Variants in YJU2 observed in about 807,000 individuals in gnomAD.
YJU2 encodes the protein splicing factor YJU2.
A neutral mutation model predicts 39.6 loss-of-function variants in YJU2; 28 were observed. That is an observed-to-expected ratio of 0.71 (90% CI 0.52 to 0.97). The LOEUF (loss-of-function observed/expected upper bound fraction) is 0.97. Among genes scored for constraint, YJU2 ranks in the 50% least tolerant of loss-of-function variants. The pLI, the probability that YJU2 is intolerant of heterozygous loss-of-function variation, is 0.00. For synonymous variants in YJU2, 184 were observed against 182.4 expected (o/e 1.01, Z -0.07); for missense variants, 328 against 430.4 (o/e 0.76, Z 2.11).
At chr19:4,256,280 G>T (rs972454944) in intron 4 of YJU2, among the ~76,000 whole-genome samples, 1 of 149,958 alleles carries the variant, frequency 6.7e-6, no homozygotes, top group Non-Finnish European at 1.5e-5. Flanking sequence ...TGTGTTCCCT[G>T]CTGTCCCCTC....
Position 4,268,932 on chromosome 19 carries a change from C to T in YJU2, c.*236C>T. ...GGACCCCTGCTGCTCCTGCCCCCAC[C>T]TGTCACTGTGCTTAGGGCTGCAACA... On this transcript the variant is annotated 3_prime_UTR_variant, in exon 8 of 8. Coordinates refer to ENST00000262962, the MANE Select transcript of YJU2 (RefSeq NM_018074.6). 1 of 550,226 alleles carries T rather than the reference C, an allele frequency of 1.8e-6. No individual in the cohort carries two copies. The highest frequency in any genetic ancestry group is 3.3e-6 in the Non-Finnish European group (1 of 304,118). The allele number at this position is 550,226 out of a possible 1,614,324, so 34.1% of individuals were successfully genotyped here.
At chr19:4,247,721 G>C (rs28473520) in intron 1 of YJU2, among the ~76,000 whole-genome samples, 8 of 146,580 alleles carry the variant, frequency 5.5e-5, no homozygotes, top group African/African-American at 7.7e-5. Flanking sequence ...ACTGGGGTCT[G>C]GTCATGCAGA....
At position 4,258,361 on chromosome 19, in the gene YJU2, G is replaced by C; in HGVS notation, c.525G>C (p.Gln175His). 1 of 1,596,024 alleles carries C rather than the reference G, an allele frequency of 6.3e-7. No individual in the cohort carries two copies. Among genetic ancestry groups the C allele is most frequent in the Non-Finnish European group, 8.5e-7 (1 of 1,173,172 alleles). Reference sequence around the variant, plus strand: ...TGGACTTCGAGGCTATGCTGAGGCAGCACCGCCTGTCGGAGGAGGAGCGGC... The same window carrying C: ...TGGACTTCGAGGCTATGCTGAGGCACCACCGCCTGTCGGAGGAGGAGCGGC... Reference protein sequence around the residue: ...AHVDFEAMLRQHRLSEEERRR... With the variant: ...AHVDFEAMLRHHRLSEEERRR... Residue 175 changes from glutamine (Q) to histidine (H), a missense_variant, in exon 5 of 8, where the codon CAG becomes CAC. Gln to His is a conservative substitution (Grantham distance 24). Coordinates refer to ENST00000262962, the MANE Select transcript of YJU2 (RefSeq NM_018074.6).
Position 4,247,091 on chromosome 19 carries a change from A to G in YJU2, c.-56A>G. The G allele has an allele frequency of 1.3e-6, 2 of 1,569,058 alleles. No individual in the cohort carries two copies. Among genetic ancestry groups the G allele is most frequent in the South Asian group, 1.1e-5 (1 of 90,170 alleles). On this transcript the variant is annotated 5_prime_UTR_variant, in exon 1 of 8. Transcript: ENST00000262962. ...GTAAGGCTTCCGTCGGAAAAGCTCG[A>G]TAATTACCCAGCCTAACCATTTCTC...
Position 4,258,347 on chromosome 19 carries a change from G to T in YJU2, c.511G>T (p.Ala171Ser), listed in dbSNP as rs556366109. ...GCGGCAGGCGCACGTGGACTTCGAGGCTATGCTGAGGCAGCACCGCCTGTC... is the reference window on the plus strand; with the variant it reads ...GCGGCAGGCGCACGTGGACTTCGAGTCTATGCTGAGGCAGCACCGCCTGTC... ...NQRQAHVDFE[A>S]MLRQHRLSEE... Residue 171 changes from alanine to serine, a missense_variant, in exon 5 of 8, where the codon GCT becomes TCT. By Grantham distance (99) the Ala-to-Ser change is moderately conservative. This residue lies in a region of YJU2 where 244 missense variants were observed against 264.6 expected (regional missense o/e 0.92). Transcript: ENST00000262962. 4.1e-5 allele frequency: 65 copies of T among 1,592,692 alleles called. No individual in the cohort carries two copies. Among genetic ancestry groups the T allele is most frequent in the Admixed American group, 1.1e-4 (6 of 56,140 alleles).
At chr19:4,268,520 C>A in intron 7 of YJU2, 64 bp from the exon 8 acceptor site, 1 of 1,212,902 alleles carries the variant, frequency 8.2e-7, no homozygotes, top group Non-Finnish European at 1.2e-6. Context: ...TGGCCGGCCC[C>A]GTGCCTTGTC....
chr19:4,268,627 G>T lies in YJU2; in HGVS notation c.903G>T (p.Thr301=), dbSNP rs774527501. Residue 301 remains threonine (T), a synonymous_variant, in exon 8 of 8, where the codon ACG becomes ACT. Coordinates refer to ENST00000262962, the MANE Select transcript of YJU2 (RefSeq NM_018074.6). ...NRKEANPTPL[T]PGASSLSQLG... is the part of the protein sequence containing the mutation. ...AGGAGGCCAACCCTACACCCCTGAC[G>T]CCTGGCGCGTCCTCCCTGAGCCAAC... is the stretch of plus-strand genomic sequence containing the variant. 2 of 1,613,846 alleles carry T rather than the reference G, an allele frequency of 1.2e-6. No homozygotes were observed.
intron 3 of YJU2, among the ~76,000 whole-genome samples, chr19:4,251,683 T>TAA (rs34528734): frequency 3.1e-4 from 32 of 102,862 alleles, no homozygotes; most frequent in African/African-American, 9.2e-4. Flanking sequence ...AGACTCCAAC[T>TAA]AAAAAAAAAA....
chr19:4,253,773 A>G (rs1420660734), intron 3 of YJU2, among the ~76,000 whole-genome samples: 1 of 152,162 alleles, frequency 6.6e-6, no homozygotes, highest in Non-Finnish European at 1.5e-5. Flanking sequence ...ATCAAAGAAA[A>G]GGTGTTAATA....
At chr19:4,258,144 G>A in intron 4 of YJU2, 98 bp from the exon 5 acceptor site, 1 of 1,483,682 alleles carries the variant, frequency 6.7e-7, no homozygotes, top group Non-Finnish European at 9.0e-7. Flanking sequence ...TGGGGGTAGG[G>A]GTTCCTCCCG....
At chr19:4,249,931 T>A (rs961137790) in intron 2 of YJU2, among the ~76,000 whole-genome samples, 1 of 152,120 alleles carries the variant, frequency 6.6e-6, no homozygotes, top group South Asian at 2.1e-4. Context: ...GGTCTCGAAC[T>A]CCTGACCTCA....
rs144431138 is a variant in YJU2, at chr19:4,259,875, C to T, written c.587+1452C>T. ...AGTGCCTGATGGGTGTGCAGAGCAG[C>T]GATACCGTGCAGAACAGTGTTGGGA... On this transcript the variant is annotated intron_variant, in intron 5 of 7. Transcript: ENST00000262962. 2.2e-3 allele frequency among the ~76,000 whole-genome samples: 333 copies of T among 152,182 alleles called. 3 individuals carry two copies. The highest frequency in any genetic ancestry group is 7.6e-3 in the African/African-American group (317 of 41,538).
chr19:4,267,730 A>G lies in YJU2; in HGVS notation c.815A>G (p.Asp272Gly), dbSNP rs758672954. 1 of 1,612,814 alleles carries G rather than the reference A, an allele frequency of 6.2e-7. No homozygotes were observed. Among genetic ancestry groups the G allele is most frequent in the Non-Finnish European group, 8.5e-7 (1 of 1,179,804 alleles). ...GTCGTGGTGAAGAAGGCAAAGGCCG[A>G]CCCGGACTGCAGCAACGGGCAGCCT... Reference protein sequence around the residue: ...RLVVVKKAKADPDCSNGQPQA... With the variant: ...RLVVVKKAKAGPDCSNGQPQA... Residue 272 changes from aspartate to glycine, a missense_variant, in exon 7 of 8, where the codon GAC (aspartate) becomes GGC (glycine). By Grantham distance (94) the Asp-to-Gly change is moderately conservative. Transcript: ENST00000262962.
chr19:4,259,379 G>A (rs1203911701), intron 5 of YJU2, among the ~76,000 whole-genome samples: 2 of 151,038 alleles, frequency 1.3e-5, no homozygotes, highest in Non-Finnish European at 3.0e-5. Context: ...GCGCCCGGAC[G>A]ACGCTTTTCT....
intron 5 of YJU2, 143 bp from the exon 6 acceptor site, chr19:4,261,851 C>CT: frequency 1.4e-6 from 1 of 720,510 alleles, no homozygotes; most frequent in South Asian, 1.8e-5. Context: ...GTAATCTGTG[C>CT]TCCCCCTACT....
At chr19:4,250,263 T>C (rs1970964796) in intron 2 of YJU2, among the ~76,000 whole-genome samples, 1 of 152,192 alleles carries the variant, frequency 6.6e-6, no homozygotes, top group Non-Finnish European at 1.5e-5. Context: ...GTTGTTGGCC[T>C]GTCTACTCCT....
intron 5 of YJU2, 24 bp from the exon 6 acceptor site, chr19:4,261,970 A>G (rs759328099): frequency 6.2e-7 from 1 of 1,610,948 alleles, no homozygotes; most frequent in South Asian, 1.1e-5. Context: ...GAGCACGTCC[A>G]AGTTCCCATC....
chr19:4,256,191 T>A (rs199782347), intron 4 of YJU2, among the ~76,000 whole-genome samples: 71 of 125,118 alleles, frequency 5.7e-4, no homozygotes, highest in East Asian at 1.9e-3. Flanking sequence ...AATATATATA[T>A]ATATATATAT....
Position 4,262,028 on chromosome 19 carries a change from C to G in YJU2, c.622C>G (p.Leu208Val), listed in dbSNP as rs772621601. 6.2e-7 allele frequency: 1 copy of G among 1,613,300 alleles called. No homozygotes were observed. Among genetic ancestry groups the G allele is most frequent in the Non-Finnish European group, 8.5e-7 (1 of 1,179,900 alleles). The part of the protein sequence containing the change: ...LLEEARKRRL[L>V]EDSDSEDEAA... ...GGAGGAAGCCAGAAAGCGAAGACTG[C>G]TGGAGGACTCCGACTCAGAGGATGA... is the stretch of plus-strand genomic sequence containing the variant. Residue 208 changes from leucine to valine, a missense_variant, in exon 6 of 8, where the codon CTG (leucine) becomes GTG (valine). Leu to Val is a conservative substitution (Grantham distance 32, BLOSUM62 1). Coordinates refer to ENST00000262962, the MANE Select transcript of YJU2 (RefSeq NM_018074.6).
Sources: allele counts gnomAD v4.1 joint callset (sites outside exome capture counted in the v4.1 genomes callset), GRCh38; gene constraint gnomAD v4.1.1; regional missense constraint gnomAD v4.1.1; transcripts MANE v1.5; gene names NCBI Gene and HGNC (gene_info 2026-07-23, HGNC 2026-07-21).